Variants in BAZ1A observed in about 807,000 individuals in gnomAD.
The protein encoded by BAZ1A is bromodomain adjacent to zinc finger domain 1A, also known as bromodomain adjacent to zinc finger domain protein 1A.
Under a neutral mutation model 185.2 loss-of-function variants are expected in BAZ1A, and 50 were observed. The observed-to-expected ratio is 0.27, with a 90% CI of 0.22 to 0.34. BAZ1A has a LOEUF of 0.34. BAZ1A is among the 10% of genes least tolerant of loss of function. BAZ1A has a pLI of 1.00. For missense variants in BAZ1A, 1,356 were observed against 1,839.9 expected, an observed-to-expected ratio of 0.74 and a Z score of 4.81; for synonymous variants, 571 against 615.6, an observed-to-expected ratio of 0.93 and a Z score of 1.07.
chr14:34,767,591 CATTTG>C lies in BAZ1A; in HGVS notation c.3302-2328_3302-2324del, dbSNP rs558060178. Among the ~76,000 whole-genome samples, 372 of 152,220 alleles carry C rather than the reference CATTTG, an allele frequency of 2.4e-3. 1 individual carries two copies. Among genetic ancestry groups the C allele is most frequent in the African/African-American group, 8.5e-3 (353 of 41,522 alleles). Reference sequence around the variant, plus strand: ...TTGGAGAGTAGAGTCCACTTAAATGCATTTGATTTATTTCTCCCCTGTCATTGTGA... The same window carrying C: ...TTGGAGAGTAGAGTCCACTTAAATGCATTTATTTCTCCCCTGTCATTGTGA... On this transcript the variant is annotated intron_variant, in intron 21 of 26. Coordinates refer to ENST00000360310, the MANE Select transcript of BAZ1A (RefSeq NM_013448.3).
At chr14:34,797,589 G>C (rs1008690950) in intron 9 of BAZ1A, among the ~76,000 whole-genome samples, 2 of 152,016 alleles carry the variant, frequency 1.3e-5, no homozygotes, top group African/African-American at 4.8e-5. Flanking sequence ...TATCTCTAAT[G>C]TTACCATCAG....
intron 2 of BAZ1A, among the ~76,000 whole-genome samples, chr14:34,873,178 T>A (rs1484515841): frequency 6.6e-6 from 1 of 152,178 alleles, no homozygotes; most frequent in African/African-American, 2.4e-5. Context: ...AACCTCACTA[T>A]TCATTTCTTA....
chr14:34,834,515 G>C (rs984998036), intron 3 of BAZ1A, among the ~76,000 whole-genome samples: 1 of 152,162 alleles, frequency 6.6e-6, no homozygotes, highest in Non-Finnish European at 1.5e-5. Flanking sequence ...CCTGACAGAG[G>C]AATTAGGGAG....
chr14:34,823,240 A>G (rs923904417), intron 4 of BAZ1A, among the ~76,000 whole-genome samples: 53 of 152,124 alleles, frequency 3.5e-4, no homozygotes, highest in Non-Finnish European at 2.5e-4. Context: ...CTGTAGTCTC[A>G]GCTACTCAGG....
Position 34,874,494 on chromosome 14 carries a change from G to A in BAZ1A, c.111C>T (p.Tyr37=). 6.2e-7 allele frequency: 1 copy of A among 1,612,236 alleles called. No individual in the cohort carries two copies. Among genetic ancestry groups the A allele is most frequent in the Non-Finnish European group, 8.5e-7 (1 of 1,178,984 alleles). The change falls in exon 2 of 27, where the codon TAC becomes TAT. Residue 37 remains tyrosine (Y), a splice_region_variant and synonymous_variant. Coordinates refer to ENST00000360310, the MANE Select transcript of BAZ1A (RefSeq NM_013448.3). The surrounding 1 kb of genome is among the most constrained non-coding windows in gnomAD (Gnocchi z 4.7). ...CCCGCACACGGCCCGGCTCTTACTC[G>A]TAGTGGCGGAAGATCTCGTTGGTGA... The part of the protein sequence containing the change: ...CKVTNEIFRH[Y]DDFFERTILC...
intron 9 of BAZ1A, among the ~76,000 whole-genome samples, chr14:34,799,538 T>C (rs1471262658): frequency 6.6e-6 from 1 of 152,162 alleles, no homozygotes; most frequent in African/African-American, 2.4e-5. Flanking sequence ...GGAATATGTA[T>C]CACTGGAAAC....
At position 34,875,351 on chromosome 14, in the gene BAZ1A, G is replaced by T. The variant is rs1432309546; in HGVS notation, c.-272C>A. ...CCTGGGAAGTTTCTGATCTACTTTC[G>T]GCTCTGAAGGAGGAAGAGCTGTTGG... On this transcript the variant is annotated 5_prime_UTR_variant, in exon 1 of 27. Coordinates refer to ENST00000360310, the MANE Select transcript of BAZ1A (RefSeq NM_013448.3). 4.4e-6 allele frequency: 2 copies of T among 456,034 alleles called. No homozygotes were observed. Among genetic ancestry groups the T allele is most frequent in the Non-Finnish European group, 8.8e-6 (2 of 226,794 alleles). The allele number at this position is 456,034 out of a possible 1,614,324, so 28.2% of individuals were successfully genotyped here.
intron 2 of BAZ1A, 92 bp from the exon 3 acceptor site, chr14:34,862,414 T>G: frequency 6.9e-7 from 1 of 1,448,626 alleles, no homozygotes; most frequent in Non-Finnish European, 9.1e-7. Flanking sequence ...AGGTTATTTT[T>G]GTGCCTTTAA....
intron 12 of BAZ1A, 126 bp from the exon 13 acceptor site, chr14:34,786,347 C>G (rs553405989): frequency 3.8e-6 from 3 of 788,894 alleles, no homozygotes; most frequent in East Asian, 2.7e-5. Context: ...AGAACAAACA[C>G]TAGGTACAAG....
intron 7 of BAZ1A, among the ~76,000 whole-genome samples, chr14:34,801,921 A>AAAAT (rs1478862284): frequency 6.6e-6 from 1 of 151,412 alleles, no homozygotes. Context: ...AAAAAAAAAA[A>AAAAT]GTGTTACTGA....
intron 9 of BAZ1A, among the ~76,000 whole-genome samples, chr14:34,796,559 A>G (rs1047358175): frequency 1.3e-5 from 2 of 152,234 alleles, no homozygotes; most frequent in African/African-American, 4.8e-5. Context: ...CTTATTTCTT[A>G]TAATTCAGGC....
At chr14:34,802,754 C>A in intron 7 of BAZ1A, 100 bp downstream of exon 7, 1 of 1,291,044 alleles carries the variant, frequency 7.7e-7, no homozygotes, top group Non-Finnish European at 1.1e-6. Flanking sequence ...TGAGTTTCTT[C>A]CTCTAGGCTA....
chr14:34,852,266 T>C (rs2042609624), intron 3 of BAZ1A, among the ~76,000 whole-genome samples: 1 of 152,236 alleles, frequency 6.6e-6, no homozygotes, highest in Non-Finnish European at 1.5e-5. Flanking sequence ...TGATTCCAAG[T>C]TGTAATGGCA....
intron 2 of BAZ1A, among the ~76,000 whole-genome samples, chr14:34,871,866 G>A (rs1233074516): frequency 6.6e-6 from 1 of 152,254 alleles, no homozygotes; most frequent in Non-Finnish European, 1.5e-5. Flanking sequence ...GTGAGACTCC[G>A]TCTCAAAAAA....
Position 34,851,247 on chromosome 14 carries a change from C to T in BAZ1A, c.392+10797G>A, listed in dbSNP as rs187944831. Among the ~76,000 whole-genome samples, 65 of 146,378 alleles carry T rather than the reference C, an allele frequency of 4.4e-4. No individual in the cohort carries two copies. The East Asian group carries it at 0.012, about 27-fold the overall frequency. ...ACTTAGGAGGCTGAGGCACAATAAT[C>T]GCTTAAACCCAGGATATGGAGGTTG... On this transcript the variant is annotated intron_variant, in intron 3 of 26. Transcript: ENST00000360310.
At chr14:34,860,894 G>A (rs928539260) in intron 3 of BAZ1A, among the ~76,000 whole-genome samples, 26 of 151,164 alleles carry the variant, frequency 1.7e-4, no homozygotes, top group South Asian at 4.2e-4. Flanking sequence ...GCGGAACTCC[G>A]TCTCAAAAAA....
In BAZ1A at chr14:34,874,611, TCCGCCCGCGGGCTCGCCTGGACCCTCGG is replaced by T; in HGVS notation, c.-35_-8del. ...TTCGGTGTAGCAGCGGCATCTCCCG[TCCGCCCGCGGGCTCGCCTGGACCCTCGG>T]CCGCCCGCGCCGGCCCCGCTTCCCT... On this transcript the variant is annotated 5_prime_UTR_variant, in exon 2 of 27. Transcript: ENST00000360310. The surrounding 1 kb of genome is among the most constrained non-coding windows in gnomAD (Gnocchi z 4.7). The T allele has an allele frequency of 6.2e-7, 1 of 1,600,668 alleles. No individual in the cohort carries two copies. The highest frequency in any genetic ancestry group is 1.1e-5 in the South Asian group (1 of 90,468).
chr14:34,774,438 A>G lies in BAZ1A; in HGVS notation c.2886T>C (p.Asn962=). The change falls in exon 19 of 27, where the codon AAT becomes AAC. Residue 962 remains asparagine, a synonymous_variant. Transcript: ENST00000360310. ...CACACATCTGAGATGGATCATATGC[A>G]TTGGAAGATCTTCCCCGACTATATG... is the stretch of plus-strand genomic sequence containing the variant. ...KPTYSRGRSS[N]AYDPSQMCAE... is the part of the protein sequence containing the mutation. The G allele has an allele frequency of 6.2e-7, 1 of 1,611,762 alleles. No individual in the cohort carries two copies. The highest frequency in any genetic ancestry group is 8.5e-7 in the Non-Finnish European group (1 of 1,179,020).
At position 34,874,482 on chromosome 14, in the gene BAZ1A, C is replaced by T. The variant is rs376186216; in HGVS notation, c.113+10G>A. ...ACCCCCCGCGGCCCCGCACACGGCCCGGCTCTTACTCGTAGTGGCGGAAGA... is the reference window on the plus strand; with the variant it reads ...ACCCCCCGCGGCCCCGCACACGGCCTGGCTCTTACTCGTAGTGGCGGAAGA... On this transcript the variant is annotated intron_variant, in intron 2 of 26. Coordinates refer to ENST00000360310, the MANE Select transcript of BAZ1A (RefSeq NM_013448.3). This position sits in a 1 kb window ranked among gnomAD's most constrained non-coding sequence, Gnocchi z 4.7. The T allele has an allele frequency of 1.9e-5, 31 of 1,610,634 alleles. No individual in the cohort carries two copies. The Middle Eastern group carries it at 6.6e-4, about 34-fold the overall frequency.
Sources: gnomAD v4.1 joint callset for allele counts (sites outside exome capture counted in the v4.1 genomes callset) on GRCh38, gnomAD v4.1.1 for gene constraint, Gnocchi (gnomAD v3.1) non-coding constraint, MANE v1.5 for transcripts, NCBI Gene and HGNC (gene_info 2026-07-23, HGNC 2026-07-21) for gene names.